The following SPRING1 variants were observed in gnomAD, a reference collection of about 807,000 sequenced individuals.
SPRING1 encodes the protein SREBF pathway regulator in golgi 1.
SPRING1 carries 14 observed loss-of-function variants against 24.7 expected under a neutral mutation model. The observed-to-expected ratio is 0.57, with a 90% CI of 0.37 to 0.88. The LOEUF is 0.88. SPRING1 is among the 40% of genes least tolerant of loss of function. SPRING1 has a pLI of 0.00. For missense variants in SPRING1, 255 were observed against 268.4 expected (o/e 0.95, Z 0.35); for synonymous variants, 93 against 106.1 (o/e 0.88, Z 0.76).
At chr12:116,735,552 C>T (rs1011522486) in intron 1 of SPRING1, among the ~76,000 whole-genome samples, 2 of 149,480 alleles carry the variant, frequency 1.3e-5, no homozygotes, top group South Asian at 2.1e-4. Flanking sequence ...GCCAACATGG[C>T]GAAACCCTGT....
At chr12:116,725,691 C>G (rs747139758) in intron 1 of SPRING1, among the ~76,000 whole-genome samples, 59 of 152,098 alleles carry the variant, frequency 3.9e-4, no homozygotes, top group Non-Finnish European at 6.6e-4. Context: ...CGAGACCATC[C>G]TGGCTAACAC....
chr12:116,736,036 C>T (rs1319894204), intron 1 of SPRING1, among the ~76,000 whole-genome samples: 295 of 26,240 alleles, frequency 0.011, 2 homozygotes, highest in African/African-American at 0.041. Flanking sequence ...AAAACTCAGT[C>T]TTTAAAAAAA....
rs11832734 is a variant in SPRING1, at chr12:116,738,051, G to A, written c.-151C>T. On this transcript the variant is annotated 5_prime_UTR_variant, in exon 1 of 5. Coordinates refer to ENST00000261318, the MANE Select transcript of SPRING1 (RefSeq NM_024738.4). ...AGCCCAGTCTGCTCCCGGCAGCCTTGGGCGCAGCCCCACGTGACCCCGCCC... is the reference window on the plus strand; with the variant it reads ...AGCCCAGTCTGCTCCCGGCAGCCTTAGGCGCAGCCCCACGTGACCCCGCCC... 0.11 allele frequency: 116,029 copies of A among 1,086,922 alleles called. 6,506 individuals are homozygous for A. The highest frequency in any genetic ancestry group is 0.16 in the Middle Eastern group (392 of 2,450). 67.3% of individuals were successfully genotyped at this position (1,086,922 alleles called of 1,614,324 possible). A position where few individuals can be genotyped will look rare whatever the true frequency, so the allele number is the denominator to read the frequency against.
In SPRING1 at chr12:116,720,497, C is replaced by T. The variant is rs1346374052; in HGVS notation, c.269-50G>A. The T allele has an allele frequency of 2.5e-6, 4 of 1,601,394 alleles. No homozygotes were observed. In the Admixed American group the frequency reaches 6.8e-5, roughly 27 times the overall value. On this transcript the variant is annotated intron_variant, in intron 2 of 4. Transcript: ENST00000261318. This position sits in a 1 kb window ranked among gnomAD's most constrained non-coding sequence, Gnocchi z 4.0. ...CATAAAACCAGCAGCCTTGCCACCT[C>T]CCTACCAGGGATGACCATGAAGCAG...
rs919289754 is a variant in SPRING1 at position 116,715,040 on chromosome 12, T to A, written c.*2770A>T. 1.7e-4 allele frequency: 26 copies of A among 151,982 alleles called. No individual in the cohort carries two copies. The highest frequency in any genetic ancestry group is 6.3e-4 in the African/African-American group (26 of 41,364). The allele number at this position is 151,982 out of a possible 1,614,324, so 9.4% of individuals were successfully genotyped here. Reference sequence around the variant, plus strand: ...GAAAACACTCACTTATTAACAATATTTTTTTCTTTTTTTTGAGACAGAGTC... The same window carrying A: ...GAAAACACTCACTTATTAACAATATATTTTTCTTTTTTTTGAGACAGAGTC... On this transcript the variant is annotated 3_prime_UTR_variant, in exon 5 of 5. Coordinates refer to ENST00000261318, the MANE Select transcript of SPRING1 (RefSeq NM_024738.4).
chr12:116,712,509 G>A lies in SPRING1; in HGVS notation c.*5301C>T, dbSNP rs1302066259. On this transcript the variant is annotated 3_prime_UTR_variant, in exon 5 of 5. Coordinates refer to ENST00000261318, the MANE Select transcript of SPRING1 (RefSeq NM_024738.4). ...AAAGGTCACACACTGGAAGAGCCTT[G>A]CCCAACGAACGATAGACTAACAGGC... is the stretch of plus-strand genomic sequence containing the variant. The A allele has an allele frequency of 2.0e-5, 3 of 152,170 alleles. No individual in the cohort carries two copies. The East Asian group carries it at 5.8e-4, about 29-fold the overall frequency. The allele number at this position is 152,170 out of a possible 1,614,324, so 9.4% of individuals were successfully genotyped here. A position where few individuals can be genotyped will look rare whatever the true frequency, so the allele number is the denominator to read the frequency against.
In SPRING1 at chr12:116,723,078, G is replaced by A. The variant is rs372053114; in HGVS notation, c.257C>T (p.Thr86Met). ...RNSIQGKHLI[T>M]DELGYVCERK... Reference sequence around the variant, plus strand: ...GAAGCCAGCCTCACCGAGTTCATCCGTGATGAGGTGCTTCCCTTGAATGGA... The same window carrying A: ...GAAGCCAGCCTCACCGAGTTCATCCATGATGAGGTGCTTCCCTTGAATGGA... The change falls in exon 2 of 5, where the codon ACG becomes ATG. Residue 86 changes from threonine to methionine, a missense_variant. Transcript: ENST00000261318. The A allele has an allele frequency of 8.7e-6, 14 of 1,612,312 alleles. No homozygotes were observed. The highest frequency in any genetic ancestry group is 2.2e-4 in the Middle Eastern group (1 of 4,576).
At chr12:116,721,641 T>C (rs1870441834) in intron 2 of SPRING1, among the ~76,000 whole-genome samples, 1 of 152,222 alleles carries the variant, frequency 6.6e-6, no homozygotes, top group Non-Finnish European at 1.5e-5. Context: ...ATGATTCTAA[T>C]GCTATAGTAA....
intron 1 of SPRING1, among the ~76,000 whole-genome samples, chr12:116,730,053 A>T (rs1409302498): frequency 6.6e-6 from 1 of 152,022 alleles, no homozygotes; most frequent in African/African-American, 2.4e-5. Flanking sequence ...GGCACCCACC[A>T]CCACGCCCGG....
At chr12:116,719,706 G>T in intron 4 of SPRING1, 57 bp downstream of exon 4, 1 of 1,443,988 alleles carries the variant, frequency 6.9e-7, no homozygotes, top group Non-Finnish European at 9.7e-7. Flanking sequence ...GTATTTTCTA[G>T]TTTCCTTCTA....
chr12:116,737,776 G>A lies in SPRING1; in HGVS notation c.111+14C>T. 1 of 1,533,882 alleles carries A rather than the reference G, an allele frequency of 6.5e-7. No homozygotes were observed. The highest frequency in any genetic ancestry group is 1.4e-5 in the African/African-American group (1 of 70,238). On this transcript the variant is annotated intron_variant, in intron 1 of 4. Coordinates refer to ENST00000261318, the MANE Select transcript of SPRING1 (RefSeq NM_024738.4). The stretch of plus-strand genomic sequence containing the variant: ...GAAGAAGGGAAGGGGAGGAGGGGAA[G>A]GGCGGCCACTGACCTGCTTGAAGGT...
chr12:116,717,708 T>C lies in SPRING1; in HGVS notation c.*102A>G. On this transcript the variant is annotated 3_prime_UTR_variant, in exon 5 of 5. Transcript: ENST00000261318. The surrounding 1 kb of genome is among the most constrained non-coding windows in gnomAD (Gnocchi z 4.2). Reference sequence around the variant, plus strand: ...CCAAGGTTTCCTCACGCTGCCTTTGTCTTCTTCCTGCAGCCTGGCCCGATG... The same window carrying C: ...CCAAGGTTTCCTCACGCTGCCTTTGCCTTCTTCCTGCAGCCTGGCCCGATG... 2.8e-6 allele frequency: 3 copies of C among 1,079,646 alleles called. No homozygotes were observed. The highest frequency in any genetic ancestry group is 3.9e-6 in the Non-Finnish European group (3 of 760,668). 66.9% of individuals were successfully genotyped at this position (1,079,646 alleles called of 1,614,324 possible).
At chr12:116,731,495 A>T (rs2137044022) in intron 1 of SPRING1, among the ~76,000 whole-genome samples, 1 of 152,308 alleles carries the variant, frequency 6.6e-6, no homozygotes, top group East Asian at 1.9e-4. Context: ...CTATGATTCC[A>T]GCACTCTGGG....
chr12:116,720,418 C>A lies in SPRING1; in HGVS notation c.298G>T (p.Val100Leu). 3 of 1,614,156 alleles carry A rather than the reference C, an allele frequency of 1.9e-6. No homozygotes were observed. The highest frequency in any genetic ancestry group is 2.5e-6 in the Non-Finnish European group (3 of 1,180,014). ...GYVCERKDLL[V>L]NGCCNVNVPS... is the part of the protein sequence containing the mutation. ...ACGTTGACATTACAGCAGCCATTTA[C>A]CAGCAAATCCTTCCTCTCGCAAACG... The change falls in exon 3 of 5, where the codon GTA becomes TTA. Residue 100 changes from valine (V) to leucine (L), a missense_variant. Val to Leu is a conservative substitution (Grantham distance 32). Transcript: ENST00000261318. This position sits in a 1 kb window ranked among gnomAD's most constrained non-coding sequence, Gnocchi z 4.0.
Position 116,728,219 on chromosome 12 carries a change from T to C in SPRING1, c.112-4996A>G, listed in dbSNP as rs1870796314. Among the ~76,000 whole-genome samples the C allele has an allele frequency of 6.6e-6, 1 of 152,194 alleles. No homozygotes were observed. The highest frequency in any genetic ancestry group is 2.4e-5 in the African/African-American group (1 of 41,442). ...AGGCCCGCCCTGCCACTAGATCATG[T>C]CATCCTGTTTTGTTTTCTTCATAAC... is the stretch of plus-strand genomic sequence containing the variant. On this transcript the variant is annotated intron_variant, in intron 1 of 4. Coordinates refer to ENST00000261318, the MANE Select transcript of SPRING1 (RefSeq NM_024738.4). This position sits in a 1 kb window ranked among gnomAD's most constrained non-coding sequence, Gnocchi z 4.2.
intron 4 of SPRING1, among the ~76,000 whole-genome samples, chr12:116,719,411 T>G (rs1264999521): frequency 6.6e-6 from 1 of 152,168 alleles, no homozygotes; most frequent in African/African-American, 2.4e-5. Flanking sequence ...TGGAAAGCCT[T>G]AGTCAAATTT....
chr12:116,716,121 G>C lies in SPRING1; in HGVS notation c.*1689C>G, dbSNP rs957324917. ...ATCCGGCACATCAGAGTTCGATGTA[G>C]TCCTGCTGCAAACACATGGAATCCG... On this transcript the variant is annotated 3_prime_UTR_variant, in exon 5 of 5. Coordinates refer to ENST00000261318, the MANE Select transcript of SPRING1 (RefSeq NM_024738.4). 6.6e-5 allele frequency: 10 copies of C among 152,208 alleles called. No individual in the cohort carries two copies. Among genetic ancestry groups the C allele is most frequent in the African/African-American group, 2.4e-4 (10 of 41,452 alleles). The allele number at this position is 152,208 out of a possible 1,614,324, so 9.4% of individuals were successfully genotyped here.
In SPRING1 at chr12:116,710,197, G is replaced by A. The variant is rs1456637086; in HGVS notation, c.*7613C>T. On this transcript the variant is annotated 3_prime_UTR_variant, in exon 5 of 5. Transcript: ENST00000261318. ...TATTTTAAAATAATATGGACAGCAG[G>A]GTCCTACCTTTATTTACATACAAAT... 6.6e-6 allele frequency: 1 copy of A among 152,122 alleles called. No homozygotes were observed. The highest frequency in any genetic ancestry group is 1.5e-5 in the Non-Finnish European group (1 of 68,020). The allele number at this position is 152,122 out of a possible 1,614,324, so 9.4% of individuals were successfully genotyped here.
intron 1 of SPRING1, among the ~76,000 whole-genome samples, chr12:116,735,917 G>A (rs754007491): frequency 6.6e-6 from 1 of 151,696 alleles, no homozygotes; most frequent in African/African-American, 2.4e-5. Context: ...GCGCATGCCT[G>A]TAATCCCAGC....
Sources: allele counts gnomAD v4.1 joint callset (sites outside exome capture counted in the v4.1 genomes callset), GRCh38; gene constraint gnomAD v4.1.1; non-coding constraint Gnocchi (gnomAD v3.1); transcripts MANE v1.5; gene names NCBI Gene and HGNC (gene_info 2026-07-23, HGNC 2026-07-21).